LRRC34: variants seen among roughly 807,000 people sequenced by gnomAD.
LRRC34 encodes leucine rich repeat containing 34.
A neutral mutation model predicts 48.5 loss-of-function variants in LRRC34; 44 were observed. The ratio of observed to expected loss-of-function variants is 0.91; its 90% CI spans 0.71 to 1.17. LRRC34 has a LOEUF of 1.17. Ranked by LOEUF, LRRC34 falls within the 50% of genes most tolerant of loss-of-function variation. LRRC34 has a pLI of 0.00. For missense variants in LRRC34, 502 were observed against 563.0 expected (o/e 0.89, Z 1.10); for synonymous variants, 192 against 197.6 (o/e 0.97, Z 0.24).
intron 9 of LRRC34, 123 bp from the exon 10 acceptor site, chr3:169,795,734 C>G (rs973457976): frequency 4.4e-6 from 6 of 1,361,830 alleles, no homozygotes; most frequent in African/African-American, 1.5e-5. Context: ...AAATACTGAC[C>G]ATTTAATTCC....
At chr3:169,803,986 G>A in intron 6 of LRRC34, 67 bp downstream of exon 6, 3 of 1,391,150 alleles carry the variant, frequency 2.2e-6, no homozygotes, top group South Asian at 3.7e-5. Flanking sequence ...TCATTCATAA[G>A]ACTCTGATTT....
In LRRC34 at chr3:169,793,008, T is replaced by A. The variant is rs1248606010; in HGVS notation, c.*627A>T. On this transcript the variant is annotated 3_prime_UTR_variant, in exon 11 of 11. Transcript: ENST00000446859. ...AAAGAAGCCAGACACAAAGAGAGTGTATACTGTATGCTTCCATTTATATAA... is the reference window on the plus strand; with the variant it reads ...AAAGAAGCCAGACACAAAGAGAGTGAATACTGTATGCTTCCATTTATATAA... Among the ~76,000 whole-genome samples, 1 of 152,204 alleles carries A rather than the reference T, an allele frequency of 6.6e-6. No homozygotes were observed. The highest frequency in any genetic ancestry group is 1.5e-5 in the Non-Finnish European group (1 of 68,036).
chr3:169,799,094 A>C (rs186443842), intron 7 of LRRC34, among the ~76,000 whole-genome samples: 3 of 152,174 alleles, frequency 2.0e-5, no homozygotes, highest in African/African-American at 7.2e-5. Flanking sequence ...TTAAAATAGG[A>C]ATCTATTTGA....
intron 1 of LRRC34, among the ~76,000 whole-genome samples, chr3:169,809,402 C>T (rs1263190195): frequency 7.2e-5 from 11 of 152,078 alleles, no homozygotes; most frequent in Admixed American, 5.9e-4. Context: ...CATACCAAAT[C>T]GAGGCCTGGC....
At chr3:169,801,083 C>CATTGTGCA (rs1779171918) in intron 6 of LRRC34, among the ~76,000 whole-genome samples, 1 of 152,148 alleles carries the variant, frequency 6.6e-6, no homozygotes, top group Non-Finnish European at 1.5e-5. Flanking sequence ...TTATCCAACA[C>CATTGTGCA]ACATCATTGT....
chr3:169,795,632 A>C (rs771786863), intron 9 of LRRC34, 21 bp from the exon 10 acceptor site: 5 of 1,598,908 alleles, frequency 3.1e-6, no homozygotes, highest in Non-Finnish European at 3.4e-6. Context: ...TAATTCCACA[A>C]GGAAAGAATA....
intron 1 of LRRC34, among the ~76,000 whole-genome samples, chr3:169,810,835 C>A (rs1331292871): frequency 6.6e-6 from 1 of 152,192 alleles, no homozygotes; most frequent in Non-Finnish European, 1.5e-5. Context: ...GAGGCCGAGG[C>A]GAGCGGATCA....
Position 169,812,756 on chromosome 3 carries a change from A to C in LRRC34, c.-208T>G, listed in dbSNP as rs1779649158. On this transcript the variant is annotated 5_prime_UTR_variant, in exon 1 of 11. Coordinates refer to ENST00000446859, the MANE Select transcript of LRRC34 (RefSeq NM_001172779.2). The surrounding 1 kb of genome is among the most constrained non-coding windows in gnomAD (Gnocchi z 4.3). ...AGGGAGGGCGTCCTGGCTCCTTTGC[A>C]GGGAGGAGTTCCCGAGGTTTGAGGG... 1.6e-6 allele frequency: 1 copy of C among 639,696 alleles called. No individual in the cohort carries two copies. The highest frequency in any genetic ancestry group is 2.0e-5 in the African/African-American group (1 of 51,252). 39.6% of individuals were successfully genotyped at this position (639,696 alleles called of 1,614,324 possible). A position where few individuals can be genotyped will look rare whatever the true frequency, so the allele number is the denominator to read the frequency against.
Position 169,804,178 on chromosome 3 carries a change from T to C in LRRC34, c.532A>G (p.Asn178Asp). Residue 178 changes from asparagine to aspartate, a missense_variant, in exon 6 of 11, where the codon AAT becomes GAT. Physicochemically the swap from Asn to Asp is conservative, Grantham distance 23 (BLOSUM62 1). Coordinates refer to ENST00000446859, the MANE Select transcript of LRRC34 (RefSeq NM_001172779.2). ...ATTCTTAGGTATTTCAGAGTCCGAT[T>C]CTTCTGAAAAGGAAAAAAAACTTAT... ...GELIAKVLHK[N>D]RTLKYLRMTG... The C allele has an allele frequency of 6.4e-7, 1 of 1,574,166 alleles. No individual in the cohort carries two copies. The highest frequency in any genetic ancestry group is 8.6e-7 in the Non-Finnish European group (1 of 1,161,962).
chr3:169,810,212 A>T (rs1779513656), intron 1 of LRRC34, among the ~76,000 whole-genome samples: 2 of 152,064 alleles, frequency 1.3e-5, no homozygotes. Context: ...AAGTGCTGGG[A>T]TTACAGGTGA....
chr3:169,793,384 AT>A lies in LRRC34; in HGVS notation c.*250del, dbSNP rs1442027302. On this transcript the variant is annotated 3_prime_UTR_variant, in exon 11 of 11. Coordinates refer to ENST00000446859, the MANE Select transcript of LRRC34 (RefSeq NM_001172779.2). The stretch of plus-strand genomic sequence containing the variant: ...GGTTATATTTTCATTATAAAAAGAA[AT>A]TTAGTCTAGTTCCTTGGTCTCTTTC... The A allele has an allele frequency of 6.2e-6, 2 of 323,136 alleles. No individual in the cohort carries two copies. Among genetic ancestry groups the A allele is most frequent in the Non-Finnish European group, 1.1e-5 (2 of 179,418 alleles). The allele number at this position is 323,136 out of a possible 1,614,324, so 20.0% of individuals were successfully genotyped here.
intron 8 of LRRC34, 162 bp downstream of exon 8, chr3:169,796,583 G>T: frequency 1.1e-6 from 1 of 896,992 alleles, no homozygotes; most frequent in Non-Finnish European, 1.6e-6. Flanking sequence ...CTAAAAGATA[G>T]CAGTATTAAA....
At chr3:169,796,607 G>T in intron 8 of LRRC34, 138 bp downstream of exon 8, 1 of 1,010,042 alleles carries the variant, frequency 9.9e-7, no homozygotes, top group Non-Finnish European at 1.4e-6. Flanking sequence ...TAAAGCTTAG[G>T]ACAAAGGATT....
chr3:169,799,914 T>C lies in LRRC34; in HGVS notation c.753+745A>G, dbSNP rs777629913. ...TTTTAGTAGAGACTGGATTTTGCCA[T>C]GTTGGCCAGGCTGGTCTCAAACTCC... On this transcript the variant is annotated intron_variant, in intron 7 of 10. Transcript: ENST00000446859. Among the ~76,000 whole-genome samples the C allele has an allele frequency of 1.5e-4, 23 of 152,142 alleles. 1 individual carries two copies. The highest frequency in any genetic ancestry group is 5.3e-4 in the African/African-American group (22 of 41,458).
chr3:169,804,327 G>C (rs1383823331), intron 5 of LRRC34, 146 bp from the exon 6 acceptor site: 1 of 588,048 alleles, frequency 1.7e-6, no homozygotes, highest in African/African-American at 1.9e-5. Context: ...ACAGAGTCTC[G>C]CTCTGTCGCC....
chr3:169,804,486 C>T (rs1779306014), intron 5 of LRRC34, among the ~76,000 whole-genome samples: 1 of 152,030 alleles, frequency 6.6e-6, no homozygotes, highest in African/African-American at 2.4e-5. Flanking sequence ...TTTTGGTAGA[C>T]ATGGGGTTTC....
rs146227830 is a variant in LRRC34, at chr3:169,796,744, C to T, written c.908+1G>A. The T allele has an allele frequency of 7.5e-6, 12 of 1,604,200 alleles. No homozygotes were observed. The highest frequency in any genetic ancestry group is 3.4e-6 in the Non-Finnish European group (4 of 1,177,312). On this transcript the variant is annotated splice_donor_variant, in intron 8 of 10. Transcript: ENST00000446859. LOFTEE classifies it high-confidence loss of function. ...TTATTAATGTGTAAATTATCACTTA[C>T]CAGCTGACATCAAGGTAGCGCAGGC...
At position 169,806,189 on chromosome 3, in the gene LRRC34, A is replaced by G. The variant is rs548134479; in HGVS notation, c.528+659T>C. Among the ~76,000 whole-genome samples the G allele has an allele frequency of 1.4e-3, 213 of 152,182 alleles. 1 individual carries two copies. Among genetic ancestry groups the G allele is most frequent in the African/African-American group, 5.0e-3 (206 of 41,586 alleles). On this transcript the variant is annotated intron_variant, in intron 5 of 10. Transcript: ENST00000446859. ...AAGACAGTTCAATGGGAGAAAGAAT[A>G]GTCTTTTAACAAATGGTGTTAGGAC...
chr3:169,798,860 G>A (rs905045070), intron 7 of LRRC34, among the ~76,000 whole-genome samples: 12 of 151,944 alleles, frequency 7.9e-5, no homozygotes, highest in Non-Finnish European at 1.5e-4. Flanking sequence ...ATGGCACCCC[G>A]GGCATATCAC....
Sources: gnomAD v4.1 joint callset for allele counts (sites outside exome capture counted in the v4.1 genomes callset) on GRCh38, gnomAD v4.1.1 for gene constraint, Gnocchi (gnomAD v3.1) non-coding constraint, MANE v1.5 for transcripts, NCBI Gene and HGNC (gene_info 2026-07-23, HGNC 2026-07-21) for gene names.